AFG1L: variants seen among roughly 807,000 people sequenced by gnomAD.
AFG1L encodes the protein AFG1 like ATPase, also known as AFG1-like ATPase.
Under a neutral mutation model 62.2 loss-of-function variants are expected in AFG1L, and 53 were observed. The observed-to-expected ratio is 0.85, with a 90% CI of 0.68 to 1.07. The LOEUF (loss-of-function observed/expected upper bound fraction) is 1.07. Among genes scored for constraint, AFG1L ranks in the 50% least tolerant of loss-of-function variants. The probability of loss-of-function intolerance (pLI) is 0.00; values close to 1 mark genes in which losing one functional copy is unlikely to be tolerated. For synonymous variants in AFG1L, 228 were observed against 210.3 expected, an observed-to-expected ratio of 1.08 and a Z score of -0.73; for missense variants, 555 against 590.5, an observed-to-expected ratio of 0.94 and a Z score of 0.62.
chr6:108,434,912 C>T (rs985958967), intron 7 of AFG1L, among the ~76,000 whole-genome samples: 1 of 152,192 alleles, frequency 6.6e-6, no homozygotes, highest in Non-Finnish European at 1.5e-5. Context: ...TTGAAACATT[C>T]TTTCCTACAT....
chr6:108,389,284 A>ATGGGT (rs1484973391), intron 6 of AFG1L, among the ~76,000 whole-genome samples: 3 of 151,890 alleles, frequency 2.0e-5, no homozygotes, highest in Non-Finnish European at 4.4e-5. Flanking sequence ...TGCACGTGGG[A>ATGGGT]TGGGTTTCCT....
chr6:108,441,418 A>C (rs1771540609), intron 7 of AFG1L, among the ~76,000 whole-genome samples: 1 of 151,634 alleles, frequency 6.6e-6, no homozygotes. Context: ...TTTTTTTTAG[A>C]TTGTGTAATT....
At chr6:108,466,600 A>G (rs969755858) in intron 8 of AFG1L, among the ~76,000 whole-genome samples, 1 of 152,052 alleles carries the variant, frequency 6.6e-6, no homozygotes, top group Non-Finnish European at 1.5e-5. Context: ...GAGGAAAGAA[A>G]GGCCACATGA....
intron 7 of AFG1L, among the ~76,000 whole-genome samples, chr6:108,425,497 G>C (rs982458629): frequency 2.6e-5 from 4 of 152,066 alleles, no homozygotes; most frequent in Admixed American, 6.6e-5. Context: ...TTATTATACA[G>C]TGGAGGCGAC....
At chr6:108,435,399 C>A (rs1771261581) in intron 7 of AFG1L, among the ~76,000 whole-genome samples, 1 of 152,104 alleles carries the variant, frequency 6.6e-6, no homozygotes, top group Non-Finnish European at 1.5e-5. Flanking sequence ...TTAGGTCTTA[C>A]AACAGGGCTG....
chr6:108,351,453 T>C (rs1779076581), intron 3 of AFG1L, among the ~76,000 whole-genome samples: 2 of 152,224 alleles, frequency 1.3e-5, no homozygotes, highest in South Asian at 4.1e-4. Context: ...TTATTAACTC[T>C]AGTGGTGATT....
At chr6:108,502,919 C>T (rs1042754446) in intron 10 of AFG1L, among the ~76,000 whole-genome samples, 1 of 152,204 alleles carries the variant, frequency 6.6e-6, no homozygotes, top group African/African-American at 2.4e-5. Flanking sequence ...ACAGTGTTCA[C>T]ACCATCTTCA....
At chr6:108,486,680 A>G (rs1264317360) in intron 10 of AFG1L, among the ~76,000 whole-genome samples, 1 of 152,162 alleles carries the variant, frequency 6.6e-6, no homozygotes, top group African/African-American at 2.4e-5. Context: ...CCAGCCCTCC[A>G]AGATTACTAC....
rs193097996 is a variant in AFG1L at position 108,495,854 on chromosome 6, G to T, written c.1063-14358G>T. Among the ~76,000 whole-genome samples the T allele has an allele frequency of 3.8e-4, 58 of 152,272 alleles. 1 individual carries two copies. In the East Asian group the frequency reaches 3.9e-3, roughly 10 times the overall value. ...GAGTAAGTGGATTTTAATTGTTCCT[G>T]TTAAGAAAATTATTCAGATAACCAG... On this transcript the variant is annotated intron_variant, in intron 10 of 12. Transcript: ENST00000368977.
intron 6 of AFG1L, among the ~76,000 whole-genome samples, chr6:108,382,890 A>T (rs1203191709): frequency 1.3e-5 from 2 of 152,220 alleles, no homozygotes; most frequent in Non-Finnish European, 2.9e-5. Context: ...TGCTTAAGAA[A>T]ATACCCTAAT....
chr6:108,507,391 G>A (rs1292211233), intron 10 of AFG1L, among the ~76,000 whole-genome samples: 1 of 152,198 alleles, frequency 6.6e-6, no homozygotes, highest in Non-Finnish European at 1.5e-5. Flanking sequence ...ACTCTACTGA[G>A]CTTTGTTTTC....
At chr6:108,311,040 C>T (rs1306553645) in intron 1 of AFG1L, among the ~76,000 whole-genome samples, 5 of 152,104 alleles carry the variant, frequency 3.3e-5, no homozygotes, top group African/African-American at 9.7e-5. Flanking sequence ...TAAGAGAAGG[C>T]ATAAGCCACT....
intron 2 of AFG1L, chr6:108,344,940 C>G (rs1272822080): frequency 1.3e-5 from 5 of 375,140 alleles, no homozygotes; most frequent in African/African-American, 1.1e-4. Flanking sequence ...GCTTTCCTGA[C>G]CTGCAGTGCC....
At chr6:108,406,681 G>A (rs1354129311) in intron 7 of AFG1L, among the ~76,000 whole-genome samples, 3 of 151,978 alleles carry the variant, frequency 2.0e-5, no homozygotes, top group Non-Finnish European at 4.4e-5. Flanking sequence ...CAGGTGATCC[G>A]CCCACCTCAG....
At chr6:108,399,549 T>A (rs1781470087) in intron 6 of AFG1L, among the ~76,000 whole-genome samples, 1 of 152,000 alleles carries the variant, frequency 6.6e-6, no homozygotes, top group South Asian at 2.1e-4. Flanking sequence ...GTAAATGGGA[T>A]TATTTTTTAA....
chr6:108,475,619 C>T (rs1773075583), intron 8 of AFG1L, among the ~76,000 whole-genome samples: 1 of 152,106 alleles, frequency 6.6e-6, no homozygotes, highest in Admixed American at 6.6e-5. Flanking sequence ...GACACTAGAC[C>T]TCATGGAAGT....
At chr6:108,484,300 C>CA (rs1287526316) in intron 10 of AFG1L, among the ~76,000 whole-genome samples, 11 of 152,142 alleles carry the variant, frequency 7.2e-5, no homozygotes, top group Non-Finnish European at 1.6e-4. Context: ...ATAAGGTAGC[C>CA]AGCCAGCCTG....
intron 1 of AFG1L, among the ~76,000 whole-genome samples, chr6:108,312,853 C>T (rs960515429): frequency 6.6e-6 from 1 of 151,806 alleles, no homozygotes; most frequent in Non-Finnish European, 1.5e-5. Context: ...TTCACTGTGG[C>T]CTTGAACTCC....
Position 108,400,636 on chromosome 6 carries a change from TA to T in AFG1L, c.749-1357del, listed in dbSNP as rs1466470779. Among the ~76,000 whole-genome samples the T allele has an allele frequency of 3.8e-5, 5 of 130,508 alleles. No individual in the cohort carries two copies. The East Asian group carries it at 1.0e-3, about 26-fold the overall frequency. The allele number at this position is 130,508 out of a possible 152,430, so 85.6% of individuals were successfully genotyped here. A position where few individuals can be genotyped will look rare whatever the true frequency, so the allele number is the denominator to read the frequency against. ...AATAATTTATATAAAATAATTTATA[TA>T]AATTATAATTTATGTATAATATATA... On this transcript the variant is annotated intron_variant, in intron 6 of 12. Coordinates refer to ENST00000368977, the MANE Select transcript of AFG1L (RefSeq NM_145315.5).
Sources: allele counts gnomAD v4.1 joint callset (sites outside exome capture counted in the v4.1 genomes callset), GRCh38; gene constraint gnomAD v4.1.1; transcripts MANE v1.5; gene names NCBI Gene and HGNC (gene_info 2026-07-23, HGNC 2026-07-21).